STAU1: variants seen among roughly 807,000 people sequenced by gnomAD.
The protein encoded by STAU1 is staufen double-stranded RNA binding protein 1.
In STAU1, 13 loss-of-function variants were observed where a neutral mutation model predicts 62.9. The observed-to-expected ratio is 0.21, with a 90% CI of 0.13 to 0.33. The LOEUF (loss-of-function observed/expected upper bound fraction) is 0.33, where lower values mean the gene tolerates loss of function less well. STAU1 is among the 10% of genes least tolerant of loss of function. The pLI is 1.00. For synonymous variants in STAU1, 269 were observed against 265.1 expected (o/e 1.01, Z -0.14); for missense variants, 571 against 712.1 (o/e 0.80, Z 2.25).
intron 2 of STAU1, among the ~76,000 whole-genome samples, chr20:49,168,518 C>T (rs555366428): frequency 6.7e-6 from 1 of 149,244 alleles, no homozygotes; most frequent in East Asian, 2.0e-4. Flanking sequence ...ATATGTAGTT[C>T]AAAACAAAAC....
chr20:49,129,630 C>CTTTTT (rs558925613), intron 6 of STAU1, among the ~76,000 whole-genome samples: 30 of 96,654 alleles, frequency 3.1e-4, no homozygotes, highest in African/African-American at 8.0e-4. Flanking sequence ...AGTTTGGCAA[C>CTTTTT]TTTTTTTTTT....
At chr20:49,120,347 A>C (rs1000854183) in intron 8 of STAU1, among the ~76,000 whole-genome samples, 1 of 152,188 alleles carries the variant, frequency 6.6e-6, no homozygotes, top group Non-Finnish European at 1.5e-5. Flanking sequence ...TTAATTATAT[A>C]AGCTGATAAT....
At chr20:49,186,748 T>C (rs1000947972) in intron 1 of STAU1, among the ~76,000 whole-genome samples, 1 of 152,024 alleles carries the variant, frequency 6.6e-6, no homozygotes, top group African/African-American at 2.4e-5. Flanking sequence ...CCTCAACAAG[T>C]AGCAATGCAA....
intron 3 of STAU1, among the ~76,000 whole-genome samples, chr20:49,162,524 C>A (rs2093464303): frequency 6.6e-6 from 1 of 152,120 alleles, no homozygotes; most frequent in South Asian, 2.1e-4. Context: ...CCTGTAATCC[C>A]AACACTTTGG....
chr20:49,177,044 TG>T (rs2093668646), intron 1 of STAU1, among the ~76,000 whole-genome samples: 2 of 151,924 alleles, frequency 1.3e-5, no homozygotes, highest in East Asian at 3.9e-4. Context: ...CCCGAGTAGC[TG>T]GGATTACAGG....
chr20:49,114,169 T>C lies in STAU1; in HGVS notation c.*709A>G, dbSNP rs1372850969. The C allele has an allele frequency of 6.6e-6, 1 of 152,554 alleles. No homozygotes were observed. Among genetic ancestry groups the C allele is most frequent in the Admixed American group, 6.5e-5 (1 of 15,274 alleles). The allele number at this position is 152,554 out of a possible 1,614,324, so 9.5% of individuals were successfully genotyped here. On this transcript the variant is annotated 3_prime_UTR_variant, in exon 14 of 14. Transcript: ENST00000371856. Reference sequence around the variant, plus strand: ...ACACATGGATATGATCTTTGTCGGTTAGATTATTGATAAAGTCAGTCTCAG... The same window carrying C: ...ACACATGGATATGATCTTTGTCGGTCAGATTATTGATAAAGTCAGTCTCAG...
chr20:49,139,800 A>G (rs1337010020), intron 5 of STAU1, among the ~76,000 whole-genome samples: 1 of 152,136 alleles, frequency 6.6e-6, no homozygotes, highest in Non-Finnish European at 1.5e-5. Context: ...AATGGAAATA[A>G]CAAGTTTTTG....
intron 2 of STAU1, among the ~76,000 whole-genome samples, chr20:49,168,160 A>G (rs2093551658): frequency 6.6e-6 from 1 of 151,578 alleles, no homozygotes; most frequent in Admixed American, 6.6e-5. Context: ...AGCTCACTGC[A>G]ACCTCTGCCT....
intron 3 of STAU1, among the ~76,000 whole-genome samples, chr20:49,163,453 T>C (rs1249872566): frequency 1.5e-5 from 2 of 137,158 alleles, no homozygotes; most frequent in East Asian, 4.7e-4. Flanking sequence ...TGAGATGGAA[T>C]CTCGCTCTGT....
chr20:49,184,940 AACAAAG>A (rs1464395527), intron 1 of STAU1, among the ~76,000 whole-genome samples: 2 of 152,232 alleles, frequency 1.3e-5, no homozygotes, highest in African/African-American at 4.8e-5. Flanking sequence ...AAAGTTATGC[AACAAAG>A]ACATTTATAA....
chr20:49,209,263 A>AG, the STAU1 span, among the ~76,000 whole-genome samples: 13 of 151,890 alleles, frequency 8.6e-5, no homozygotes, highest in African/African-American at 2.9e-4. Context: ...GAAAAAAAAA[A>AG]AAAAGCCATG....
intron 5 of STAU1, among the ~76,000 whole-genome samples, chr20:49,148,741 A>G (rs2093179187): frequency 6.6e-6 from 1 of 152,248 alleles, no homozygotes; most frequent in African/African-American, 2.4e-5. Flanking sequence ...ACATGTCTAC[A>G]ACAGCCGCTG....
intron 3 of STAU1, among the ~76,000 whole-genome samples, chr20:49,162,803 T>C (rs2869716): frequency 0.33 from 48,118 of 146,626 alleles, 9,030 homozygotes; most frequent in Middle Eastern, 0.49. Flanking sequence ...ATTTATAAAG[T>C]AAAGGAAATG....
intron 6 of STAU1, among the ~76,000 whole-genome samples, chr20:49,134,051 T>A (rs13037813): frequency 6.6e-6 from 1 of 151,996 alleles, no homozygotes; most frequent in Non-Finnish European, 1.5e-5. Flanking sequence ...TTTTAAGAAA[T>A]AAGCCATAAT....
chr20:49,128,258 C>T (rs140826687), intron 6 of STAU1, among the ~76,000 whole-genome samples: 17 of 152,014 alleles, frequency 1.1e-4, no homozygotes, highest in South Asian at 8.3e-4. Context: ...CTCAGGAGGT[C>T]GAGGTTGCAG....
the STAU1 span, among the ~76,000 whole-genome samples, chr20:49,203,276 T>C: frequency 1.3e-5 from 2 of 152,014 alleles, no homozygotes; most frequent in African/African-American, 2.4e-5. Context: ...AATACAAAAC[T>C]TACCCAGGTG....
At chr20:49,171,917 T>C (rs2093602283) in intron 2 of STAU1, among the ~76,000 whole-genome samples, 1 of 147,660 alleles carries the variant, frequency 6.8e-6, no homozygotes, top group African/African-American at 2.5e-5. Flanking sequence ...CCAAACTACT[T>C]TAAAAAAAAA....
chr20:49,171,588 A>G (rs1254380250), intron 2 of STAU1, among the ~76,000 whole-genome samples: 4 of 152,266 alleles, frequency 2.6e-5, no homozygotes, highest in African/African-American at 9.6e-5. Context: ...CACCCAGCCT[A>G]TACCAGTTAT....
intron 4 of STAU1, among the ~76,000 whole-genome samples, chr20:49,152,018 G>T: frequency 6.6e-6 from 1 of 152,142 alleles, no homozygotes; most frequent in East Asian, 1.9e-4. Context: ...ACACTAACCT[G>T]CACTGACAAA....
Sources: allele counts gnomAD v4.1 joint callset (sites outside exome capture counted in the v4.1 genomes callset), GRCh38; gene constraint gnomAD v4.1.1; transcripts MANE v1.5; gene names NCBI Gene and HGNC (gene_info 2026-07-23, HGNC 2026-07-21).